PDE4B: variants seen among roughly 807,000 people sequenced by gnomAD.
The protein encoded by PDE4B is 3',5'-cyclic-AMP phosphodiesterase 4B.
A neutral mutation model predicts 82.2 loss-of-function variants in PDE4B; 20 were observed. The ratio of observed to expected loss-of-function variants is 0.24; its 90% CI spans 0.17 to 0.35. PDE4B has a LOEUF of 0.35. Ranked by LOEUF, PDE4B falls within the 10% of genes least tolerant of loss-of-function variation. The pLI is 1.00. For missense variants in PDE4B, 655 were observed against 907.2 expected, an observed-to-expected ratio of 0.72 and a Z score of 3.57; for synonymous variants, 320 against 318.9, an observed-to-expected ratio of 1.00 and a Z score of -0.04.
At chr1:66,096,860 A>C (rs1645130029) in intron 3 of PDE4B, among the ~76,000 whole-genome samples, 1 of 151,766 alleles carries the variant, frequency 6.6e-6, no homozygotes, top group African/African-American at 2.4e-5. Flanking sequence ...CTTTTTTAGA[A>C]CATCAAATAG....
At chr1:66,073,614 G>GA (rs150915915) in intron 3 of PDE4B, among the ~76,000 whole-genome samples, 6 of 150,098 alleles carry the variant, frequency 4.0e-5, no homozygotes, top group Admixed American at 2.0e-4. Flanking sequence ...TGTGCTTTTT[G>GA]AAAAAAAAAT....
At chr1:65,809,270 G>T (rs918368838) in intron 1 of PDE4B, among the ~76,000 whole-genome samples, 11 of 138,586 alleles carry the variant, frequency 7.9e-5, no homozygotes, top group Non-Finnish European at 1.5e-5. Context: ...GGCAGAGGTT[G>T]CAGTGAACTG....
At chr1:66,004,119 G>T (rs1652019828) in intron 3 of PDE4B, among the ~76,000 whole-genome samples, 1 of 152,134 alleles carries the variant, frequency 6.6e-6, no homozygotes, top group African/African-American at 2.4e-5. Flanking sequence ...AACTCTACTT[G>T]TATTTCATTA....
At chr1:65,981,199 C>T (rs762910418) in intron 3 of PDE4B, among the ~76,000 whole-genome samples, 3 of 152,036 alleles carry the variant, frequency 2.0e-5, no homozygotes, top group Non-Finnish European at 4.4e-5. Flanking sequence ...AGAAACGTTT[C>T]TAGATTTTAA....
chr1:65,802,405 C>T (rs143802147), intron 1 of PDE4B, among the ~76,000 whole-genome samples: 17 of 152,146 alleles, frequency 1.1e-4, no homozygotes, highest in African/African-American at 3.9e-4. Flanking sequence ...CAGCTGAGTC[C>T]GTCCTTTTTA....
chr1:65,793,643 T>G (rs1000585274), intron 1 of PDE4B, among the ~76,000 whole-genome samples: 7 of 152,178 alleles, frequency 4.6e-5, no homozygotes, highest in African/African-American at 1.7e-4. Context: ...GAAGGGAACC[T>G]GAACTACCCA....
chr1:66,256,371 A>G (rs569332872), intron 4 of PDE4B, among the ~76,000 whole-genome samples: 2 of 152,296 alleles, frequency 1.3e-5, no homozygotes, highest in South Asian at 4.1e-4. Flanking sequence ...TACCTGACAC[A>G]CAGCCCTGTT....
In PDE4B at chr1:66,257,923, C is replaced by A. The variant is rs77517704; in HGVS notation, c.584+60C>A. On this transcript the variant is annotated intron_variant, in intron 6 of 16. Coordinates refer to ENST00000341517, the MANE Select transcript of PDE4B (RefSeq NM_002600.4). ...TAACATAAAGGCAAAAAATATTGAG[C>A]AGCATTTAAAAAAATACAACTATTA... is the stretch of plus-strand genomic sequence containing the variant. 1.8e-5 allele frequency: 20 copies of A among 1,109,988 alleles called. No homozygotes were observed. The African/African-American group carries it at 2.8e-4, about 15-fold the overall frequency. 68.8% of individuals were successfully genotyped at this position (1,109,988 alleles called of 1,614,324 possible).
At chr1:65,986,353 G>GT (rs1650952827) in intron 3 of PDE4B, among the ~76,000 whole-genome samples, 1 of 152,136 alleles carries the variant, frequency 6.6e-6, no homozygotes, top group Admixed American at 6.5e-5. Flanking sequence ...TGAAACAGCT[G>GT]ACTCTTCTTA....
chr1:66,242,571 T>A (rs188251934), intron 3 of PDE4B, among the ~76,000 whole-genome samples: 12 of 152,344 alleles, frequency 7.9e-5, no homozygotes, highest in Admixed American at 7.8e-4. Flanking sequence ...GAGTCTTTGT[T>A]ACAGAAATTG....
chr1:66,173,512 T>G (rs1646877034), intron 3 of PDE4B, among the ~76,000 whole-genome samples: 1 of 152,242 alleles, frequency 6.6e-6, no homozygotes, highest in Non-Finnish European at 1.5e-5. Context: ...TATTTGAATT[T>G]ACCTATAGTC....
At position 65,798,240 on chromosome 1, in the gene PDE4B, T is replaced by TGAACTCCTGACCTCAAGTGATCCACCTG. The variant is rs1557752727; in HGVS notation, c.-71+4992_-71+4993insGAACTCCTGACCTCAAGTGATCCACCTG. On this transcript the variant is annotated intron_variant, in intron 1 of 16. Coordinates refer to ENST00000341517, the MANE Select transcript of PDE4B (RefSeq NM_002600.4). ...TTCACCATGTTGGCCAGGCTAGTCT[T>TGAACTCCTGACCTCAAGTGATCCACCTG]TTTTTTTTTTTTTTTTTTTTTTTTT... 3.0e-3 allele frequency among the ~76,000 whole-genome samples: 149 copies of TGAACTCCTGACCTCAAGTGATCCACCTG among 49,504 alleles called. 5 individuals are homozygous for TGAACTCCTGACCTCAAGTGATCCACCTG. Among genetic ancestry groups the TGAACTCCTGACCTCAAGTGATCCACCTG allele is most frequent in the East Asian group, 3.8e-3 (2 of 522 alleles). The allele number at this position is 49,504 out of a possible 152,430, so 32.5% of individuals were successfully genotyped here.
chr1:66,247,511 G>A lies in PDE4B; in HGVS notation c.333G>A (p.Gln111=). Residue 111 remains glutamine (Q), a synonymous_variant, in exon 4 of 17, where the codon CAG becomes CAA. Transcript: ENST00000341517. ...PSPGRSPLDP[Q]ASSSAGLVLH... ...CAGGTCGGAGTCCACTGGATCCCCA[G>A]GCCAGCTCTTCCGCTGGGCTGGTAC... is the stretch of plus-strand genomic sequence containing the variant. 6.2e-7 allele frequency: 1 copy of A among 1,609,566 alleles called. No homozygotes were observed. Among genetic ancestry groups the A allele is most frequent in the East Asian group, 2.2e-5 (1 of 44,746 alleles).
chr1:65,964,545 C>T (rs192459327), intron 3 of PDE4B, among the ~76,000 whole-genome samples: 83 of 152,230 alleles, frequency 5.5e-4, no homozygotes, highest in Middle Eastern at 6.8e-3. Flanking sequence ...CCATTAATGT[C>T]CTGGCTAATG....
intron 1 of PDE4B, among the ~76,000 whole-genome samples, chr1:65,853,821 C>T (rs1397088158): frequency 6.6e-6 from 1 of 152,168 alleles, no homozygotes; most frequent in Non-Finnish European, 1.5e-5. Flanking sequence ...AGCCACCGCG[C>T]CTGGCTGATT....
intron 1 of PDE4B, among the ~76,000 whole-genome samples, chr1:65,812,299 C>G (rs1438866134): frequency 6.6e-6 from 1 of 152,158 alleles, no homozygotes; most frequent in Non-Finnish European, 1.5e-5. Flanking sequence ...TCTGGGTCCT[C>G]TTGTAGGTTA....
intron 1 of PDE4B, 55 bp from the exon 2 acceptor site, chr1:65,913,190 A>G: frequency 2.9e-6 from 2 of 692,928 alleles, no homozygotes. Flanking sequence ...TATGCCACAT[A>G]TTTTTCTTTA....
chr1:65,874,984 A>T (rs1179803743), intron 1 of PDE4B, among the ~76,000 whole-genome samples: 2 of 151,304 alleles, frequency 1.3e-5, no homozygotes, highest in Admixed American at 1.3e-4. Flanking sequence ...TCTGCACAGC[A>T]AAAGAAACTA....
At chr1:66,151,931 A>G (rs1156829129) in intron 3 of PDE4B, among the ~76,000 whole-genome samples, 1 of 152,226 alleles carries the variant, frequency 6.6e-6, no homozygotes, top group Non-Finnish European at 1.5e-5. Context: ...TATAGCACCT[A>G]GTGCAACACT....
Sources: gnomAD v4.1 joint callset for allele counts (sites outside exome capture counted in the v4.1 genomes callset) on GRCh38, gnomAD v4.1.1 for gene constraint, MANE v1.5 for transcripts, NCBI Gene and HGNC (gene_info 2026-07-23, HGNC 2026-07-21) for gene names.